Variants in TMEM161B observed in about 807,000 individuals in gnomAD.
TMEM161B encodes the protein transmembrane protein 161B.
TMEM161B carries 34 observed loss-of-function variants against 61.8 expected under a neutral mutation model. The ratio of observed to expected loss-of-function variants is 0.55; its 90% confidence interval spans 0.42 to 0.73. The LOEUF is 0.73. TMEM161B is among the 30% of genes least tolerant of loss of function. The pLI, the probability that TMEM161B is intolerant of heterozygous loss-of-function variation, is 0.00. For synonymous variants in TMEM161B, 167 were observed against 192.8 expected (o/e 0.87, Z 1.11); for missense variants, 456 against 558.5 (o/e 0.82, Z 1.85).
chr5:88,189,824 G>A, exon 13 of TMEM161B: 1 of 515,542 alleles, frequency 1.9e-6, no homozygotes, highest in Middle Eastern at 5.2e-4. Context: ...ATACCATAGG[G>A]AGAGCCTGTA....
In TMEM161B at chr5:88,268,748, A is replaced by C; in HGVS notation, c.-25T>G. On this transcript the variant is annotated 5_prime_UTR_variant, in exon 1 of 12. Transcript: ENST00000296595. ...TGGCGCCTAGGATAGGTCGTGGACC[A>C]GACACCCTGGAGTTGCCGGGGCAGT... The C allele has an allele frequency of 1.2e-6, 2 of 1,614,038 alleles. No individual in the cohort carries two copies. Among genetic ancestry groups the C allele is most frequent in the South Asian group, 1.1e-5 (1 of 91,066 alleles).
rs756297821 is a variant in TMEM161B, at chr5:88,220,827, CTTTA to C, written c.290-112_290-109del. 7.3e-5 allele frequency: 96 copies of C among 1,316,724 alleles called. No individual in the cohort carries two copies. In the Middle Eastern group the frequency reaches 8.3e-4, roughly 11 times the overall value. The allele number at this position is 1,316,724 out of a possible 1,614,324, so 81.6% of individuals were successfully genotyped here. A position where few individuals can be genotyped will look rare whatever the true frequency, so the allele number is the denominator to read the frequency against. On this transcript the variant is annotated intron_variant, in intron 4 of 11. Transcript: ENST00000296595. ...TTATTTATAATTAAAATACGCTAGA[CTTTA>C]TTTGTTCATTTGCAATGTAAGATTT...
intron 3 of TMEM161B, among the ~76,000 whole-genome samples, chr5:88,226,198 GA>G (rs1284365626): frequency 6.6e-6 from 1 of 151,906 alleles, no homozygotes; most frequent in African/African-American, 2.4e-5. Context: ...AAATGCAAAT[GA>G]AGACAAAGTG....
intron 1 of TMEM161B, among the ~76,000 whole-genome samples, chr5:88,247,258 T>C (rs1284025642): frequency 1.3e-5 from 2 of 152,110 alleles, no homozygotes; most frequent in Non-Finnish European, 2.9e-5. Flanking sequence ...TTTGTCTTGC[T>C]TTATTAATAC....
At chr5:88,261,939 T>G (rs1319349263) in intron 1 of TMEM161B, among the ~76,000 whole-genome samples, 2 of 152,054 alleles carry the variant, frequency 1.3e-5, no homozygotes, top group Admixed American at 1.3e-4. Flanking sequence ...CTGGACTTCA[T>G]TACAATTAAA....
rs1469963544 is a variant in TMEM161B at position 88,268,814 on chromosome 5, T to A, written c.-91A>T. ...TCCCGGTCCTTGAGCCGAGAGACTC[T>A]CAAACAGCGAAAGAGAGGGTCTTCC... On this transcript the variant is annotated 5_prime_UTR_variant, in exon 1 of 12. Transcript: ENST00000296595. 6.3e-7 allele frequency: 1 copy of A among 1,598,510 alleles called. No individual in the cohort carries two copies. Among genetic ancestry groups the A allele is most frequent in the Non-Finnish European group, 8.5e-7 (1 of 1,169,686 alleles).
At chr5:88,232,853 C>T (rs182330733) in intron 2 of TMEM161B, among the ~76,000 whole-genome samples, 89 of 152,316 alleles carry the variant, frequency 5.8e-4, no homozygotes, top group African/African-American at 2.0e-3. Flanking sequence ...CGATTACAGG[C>T]GTGAGCCACC....
chr5:88,223,358 A>G (rs1749369596), intron 4 of TMEM161B, among the ~76,000 whole-genome samples: 1 of 152,170 alleles, frequency 6.6e-6, no homozygotes, highest in Admixed American at 6.5e-5. Context: ...ATTAGCTGAC[A>G]AAGTATTCAA....
At chr5:88,186,308 C>T (rs185356110), downstream of TMEM161B, among the ~76,000 whole-genome samples, 1 of 152,262 alleles carries the variant, frequency 6.6e-6, no homozygotes, top group Admixed American at 6.5e-5. Flanking sequence ...AAAAACTAGT[C>T]AGCCTTTAAC....
chr5:88,265,736 C>T lies in TMEM161B; in HGVS notation c.3+2985G>A, dbSNP rs139104819. On this transcript the variant is annotated intron_variant, in intron 1 of 11. Coordinates refer to ENST00000296595, the MANE Select transcript of TMEM161B (RefSeq NM_153354.5). ...ACACACTCTTCCCAACACTCCCCTC[C>T]ACTCCCCTCAAAAAGAAAACTTTTC... Among the ~76,000 whole-genome samples the T allele has an allele frequency of 5.9e-5, 9 of 152,260 alleles. No homozygotes were observed. In the East Asian group the frequency reaches 1.7e-3, roughly 29 times the overall value.
At chr5:88,215,271 A>T (rs1301030847) in intron 5 of TMEM161B, among the ~76,000 whole-genome samples, 1 of 152,218 alleles carries the variant, frequency 6.6e-6, no homozygotes, top group African/African-American at 2.4e-5. Context: ...ACTACTAAGT[A>T]GGCACATACA....
chr5:88,191,982 GTATATATATATA>G (rs67658909), downstream of TMEM161B, among the ~76,000 whole-genome samples: 1,719 of 19,570 alleles, frequency 0.088, 110 homozygotes, highest in Non-Finnish European at 0.11. Flanking sequence ...AAAAAAAAGT[GTATATATATATA>G]TATATATATA....
intron 1 of TMEM161B, among the ~76,000 whole-genome samples, chr5:88,263,664 T>C (rs1294233106): frequency 1.3e-5 from 2 of 152,194 alleles, no homozygotes; most frequent in Non-Finnish European, 2.9e-5. Flanking sequence ...TAATAACTTC[T>C]CTCTTAGAAA....
chr5:88,265,461 G>A (rs369997193), intron 1 of TMEM161B, among the ~76,000 whole-genome samples: 6 of 152,108 alleles, frequency 3.9e-5, no homozygotes, highest in East Asian at 3.9e-4. Context: ...CAGGGTTTGC[G>A]CTCCTATGAG....
chr5:88,228,253 A>C (rs1750388047), intron 3 of TMEM161B, among the ~76,000 whole-genome samples, 192 bp downstream of exon 3: 1 of 152,194 alleles, frequency 6.6e-6, no homozygotes, highest in Non-Finnish European at 1.5e-5. Context: ...AACAAAGAAT[A>C]AAGTTCTTGA....
At chr5:88,255,439 T>C (rs1271296964) in intron 1 of TMEM161B, among the ~76,000 whole-genome samples, 1 of 152,062 alleles carries the variant, frequency 6.6e-6, no homozygotes, top group Non-Finnish European at 1.5e-5. Context: ...ACAGAAGAAT[T>C]TGGTAGAAAA....
intron 5 of TMEM161B, among the ~76,000 whole-genome samples, chr5:88,216,212 C>T (rs187869652): frequency 2.6e-5 from 4 of 152,126 alleles, no homozygotes; most frequent in Admixed American, 1.3e-4. Context: ...TGCAACTGCA[C>T]AACAACTTGG....
At chr5:88,239,373 T>C (rs1234716640) in intron 2 of TMEM161B, among the ~76,000 whole-genome samples, 1 of 152,012 alleles carries the variant, frequency 6.6e-6, no homozygotes, top group Non-Finnish European at 1.5e-5. Context: ...GCTGCCTTAA[T>C]GTATGTTACT....
Position 88,213,314 on chromosome 5 carries a change from A to T in TMEM161B, c.447-6134T>A, listed in dbSNP as rs993059538. Among the ~76,000 whole-genome samples the T allele has an allele frequency of 3.3e-5, 5 of 152,064 alleles. No individual in the cohort carries two copies. In the South Asian group the frequency reaches 8.3e-4, roughly 25 times the overall value. ...ATCCTATCTTCCAATGTTAAAAAAA[A>T]TTTTTTAACAAAAATAATTTTAAAC... On this transcript the variant is annotated intron_variant, in intron 5 of 11. Transcript: ENST00000296595.
Sources: allele counts gnomAD v4.1 joint callset (sites outside exome capture counted in the v4.1 genomes callset), GRCh38; gene constraint gnomAD v4.1.1; transcripts MANE v1.5; gene names NCBI Gene and HGNC (gene_info 2026-07-23, HGNC 2026-07-21).